NDUFB10: variants seen among roughly 807,000 people sequenced by gnomAD.
NDUFB10 encodes the protein NADH:ubiquinone oxidoreductase subunit B10, also known as NADH dehydrogenase [ubiquinone] 1 beta subcomplex subunit 10.
In NDUFB10, 23 loss-of-function variants were observed where a neutral mutation model predicts 19.0. The ratio of observed to expected loss-of-function variants is 1.21; its 90% CI spans 0.87 to 1.71. NDUFB10 has a LOEUF of 1.71. NDUFB10 is among the 40% of genes most tolerant of loss of function. NDUFB10 has a pLI of 0.00. For synonymous variants in NDUFB10, 104 were observed against 81.8 expected (o/e 1.27, Z -1.46); for missense variants, 312 against 230.6 (o/e 1.35, Z -2.29).
intron 2 of NDUFB10, 95 bp downstream of exon 2, chr16:1,961,386 G>T: frequency 6.3e-7 from 1 of 1,595,556 alleles, no homozygotes; most frequent in South Asian, 1.1e-5. Flanking sequence ...CCAGATTTTA[G>T]GGGTGACATG....
chr16:1,961,792 C>T lies in NDUFB10; in HGVS notation c.410-5C>T. The T allele has an allele frequency of 6.4e-7, 1 of 1,552,532 alleles. No individual in the cohort carries two copies. The highest frequency in any genetic ancestry group is 8.7e-7 in the Non-Finnish European group (1 of 1,147,236). ...GTTCCCAGCTTGTTTCCATTGCTTC[C>T]CCAGATCAGGACCTGGGGGCCTACA... On this transcript the variant is annotated splice_region_variant and splice_polypyrimidine_tract_variant and intron_variant, in intron 3 of 3. Coordinates refer to ENST00000268668, the MANE Select transcript of NDUFB10 (RefSeq NM_004548.3).
intron 1 of NDUFB10, among the ~76,000 whole-genome samples, chr16:1,960,412 G>C (rs559271964): frequency 6.6e-6 from 1 of 152,156 alleles, no homozygotes; most frequent in East Asian, 1.9e-4. Context: ...TAGTAGACAC[G>C]GGGTTTCACC....
In NDUFB10 at chr16:1,961,293, T is replaced by C; in HGVS notation, c.269+2T>C. 1.9e-6 allele frequency: 3 copies of C among 1,613,942 alleles called. No individual in the cohort carries two copies. The highest frequency in any genetic ancestry group is 2.5e-6 in the Non-Finnish European group (3 of 1,180,022). ...CGAAATGCAGTGGAAGAGGGACTAGTACGTGAGCCATGCTGGGAGTGTGGA... is the reference window on the plus strand; with the variant it reads ...CGAAATGCAGTGGAAGAGGGACTAGCACGTGAGCCATGCTGGGAGTGTGGA... On this transcript the variant is annotated splice_donor_variant, in intron 2 of 3. Transcript: ENST00000268668. LOFTEE classifies it high-confidence loss of function.
Position 1,961,901 on chromosome 16 carries a change from T to C in NDUFB10, c.514T>C (p.Ser172Pro), listed in dbSNP as rs751990038. Residue 172 changes from serine (S) to proline (P), a missense_variant, in exon 4 of 4, where the codon TCC becomes CCC. Transcript: ENST00000268668. The stretch of plus-strand genomic sequence containing the variant: ...TGCAAAAGAGGCCGCCGCTGCCACC[T>C]CCTGAGGCAGCTGTGGGTGCCCCTG... Reference protein sequence around the residue: ...KAAKEAAAATS With the variant: ...KAAKEAAAATP The C allele has an allele frequency of 1.5e-5, 23 of 1,558,592 alleles. 1 individual carries two copies. In the South Asian group the frequency reaches 2.6e-4, roughly 18 times the overall value.
In NDUFB10 at chr16:1,961,476, CTT is replaced by C. The variant is rs1291758364; in HGVS notation, c.270-20_270-19del. 3 of 1,613,592 alleles carry C rather than the reference CTT, an allele frequency of 1.9e-6. No individual in the cohort carries two copies. The highest frequency in any genetic ancestry group is 1.7e-5 in the Admixed American group (1 of 60,010). On this transcript the variant is annotated intron_variant, in intron 2 of 3. Coordinates refer to ENST00000268668, the MANE Select transcript of NDUFB10 (RefSeq NM_004548.3). ...AAAGGATTCCTTGTGATTAGCCTCT[CTT>C]GCTCCTTTTCTCCACCAGCAAAGTC... is the stretch of plus-strand genomic sequence containing the variant.
intron 1 of NDUFB10, 74 bp from the exon 2 acceptor site, chr16:1,961,079 C>A: frequency 6.4e-7 from 1 of 1,556,582 alleles, no homozygotes; most frequent in Non-Finnish European, 8.8e-7. Context: ...CTCCAAAGGG[C>A]TTATGAGAAA....
chr16:1,961,682 C>T (rs1249125059), intron 3 of NDUFB10, 46 bp downstream of exon 3: 2 of 1,451,796 alleles, frequency 1.4e-6, no homozygotes, highest in African/African-American at 1.4e-5. Context: ...CTCCTGAGGC[C>T]TGGGGGCCAG....
At chr16:1,961,007 C>T (rs561168410) in intron 1 of NDUFB10, 146 bp from the exon 2 acceptor site, 76 of 1,029,408 alleles carry the variant, frequency 7.4e-5, no homozygotes, top group Non-Finnish European at 8.2e-5. Context: ...GGCCACATCC[C>T]TTAGAGAGAC....
chr16:1,959,744 C>G lies in NDUFB10; in HGVS notation c.120C>G (p.Thr40=). The change falls in exon 1 of 4, where the codon ACC becomes ACG. Residue 40 remains threonine, a synonymous_variant. Coordinates refer to ENST00000268668, the MANE Select transcript of NDUFB10 (RefSeq NM_004548.3). ...AFDLIVDRPV[T]LVREFIERQH... ...ACCTCATCGTGGACCGACCCGTGAC[C>G]CTCGTGAGAGGTACGAAGCCCCAGC... is the stretch of plus-strand genomic sequence containing the variant. 6.2e-7 allele frequency: 1 copy of G among 1,613,212 alleles called. No individual in the cohort carries two copies. The highest frequency in any genetic ancestry group is 1.1e-5 in the South Asian group (1 of 91,072).
At chr16:1,961,442 G>A (rs2083253857) in intron 2 of NDUFB10, 55 bp from the exon 3 acceptor site, 2 of 1,605,128 alleles carry the variant, frequency 1.2e-6, no homozygotes, top group Non-Finnish European at 1.7e-6. Context: ...GTTCTCACAG[G>A]GTACAGGAAA....
rs902376392 is a variant in NDUFB10 at position 1,961,630 on chromosome 16, G to T, written c.403G>T (p.Asp135Tyr). 3.1e-6 allele frequency: 5 copies of T among 1,611,622 alleles called. No homozygotes were observed. The African/African-American group carries it at 4.0e-5, about 13-fold the overall frequency. The change falls in exon 3 of 4, where the codon GAC becomes TAC. Residue 135 changes from aspartate (D) to tyrosine (Y), a missense_variant. Asp to Tyr is a radical substitution (Grantham distance 160). Coordinates refer to ENST00000268668, the MANE Select transcript of NDUFB10 (RefSeq NM_004548.3). ...CACCCAGGTGGCCAAGGCCTACCAGGACCGCTGTGCGTGCCCCACCCACCC... is the reference window on the plus strand; with the variant it reads ...CACCCAGGTGGCCAAGGCCTACCAGTACCGCTGTGCGTGCCCCACCCACCC... ...QFTQVAKAYQ[D>Y]RYQDLGAYSS... is the part of the protein sequence containing the mutation.
At chr16:1,960,030 C>T (rs192892751) in intron 1 of NDUFB10, among the ~76,000 whole-genome samples, 30 of 151,678 alleles carry the variant, frequency 2.0e-4, no homozygotes, top group Non-Finnish European at 3.4e-4. Context: ...CCTGCCGCAC[C>T]CAGCGCCCAC....
intron 1 of NDUFB10, 72 bp from the exon 2 acceptor site, chr16:1,961,081 T>C (rs731198): frequency 0.15 from 241,479 of 1,558,840 alleles, 20,489 homozygotes; most frequent in South Asian, 0.28. Flanking sequence ...CCAAAGGGCT[T>C]ATGAGAAATA....
At chr16:1,961,073 A>G in intron 1 of NDUFB10, 80 bp from the exon 2 acceptor site, 1 of 1,536,408 alleles carries the variant, frequency 6.5e-7, no homozygotes, top group Admixed American at 1.8e-5. Context: ...TCTCCCCTCC[A>G]AAGGGCTTAT....
intron 1 of NDUFB10, among the ~76,000 whole-genome samples, 179 bp downstream of exon 1, chr16:1,959,933 C>G (rs1001230793): frequency 6.6e-6 from 1 of 151,854 alleles, no homozygotes; most frequent in Non-Finnish European, 1.5e-5. Context: ...CTTTGGCCTC[C>G]CACTGCACCC....
At chr16:1,960,672 G>A (rs2083248152) in intron 1 of NDUFB10, among the ~76,000 whole-genome samples, 1 of 152,260 alleles carries the variant, frequency 6.6e-6, no homozygotes, top group Non-Finnish European at 1.5e-5. Flanking sequence ...TGTAGAGCAT[G>A]TCTGTCCTAT....
At position 1,961,296 on chromosome 16, in the gene NDUFB10, G is replaced by A. The variant is rs2083252742; in HGVS notation, c.269+5G>A. The stretch of plus-strand genomic sequence containing the variant: ...AATGCAGTGGAAGAGGGACTAGTAC[G>A]TGAGCCATGCTGGGAGTGTGGAGAT... On this transcript the variant is annotated splice_donor_5th_base_variant and intron_variant, in intron 2 of 3. Coordinates refer to ENST00000268668, the MANE Select transcript of NDUFB10 (RefSeq NM_004548.3). 3.1e-6 allele frequency: 5 copies of A among 1,613,722 alleles called. No homozygotes were observed. Among genetic ancestry groups the A allele is most frequent in the Admixed American group, 1.7e-5 (1 of 59,998 alleles).
In NDUFB10 at chr16:1,959,604, G is replaced by T. The variant is rs774044632; in HGVS notation, c.-21G>T. ...GGCCAGGGCAGCGCGTCCGGGAGCG[G>T]AGTCCGCGCCCGCCGCCGCCATGCC... On this transcript the variant is annotated 5_prime_UTR_variant, in exon 1 of 4. Transcript: ENST00000268668. The T allele has an allele frequency of 1.9e-6, 3 of 1,600,272 alleles. No individual in the cohort carries two copies. The highest frequency in any genetic ancestry group is 1.7e-4 in the Middle Eastern group (1 of 6,038).
intron 1 of NDUFB10, 31 bp from the exon 2 acceptor site, chr16:1,961,122 G>A: frequency 1.2e-6 from 2 of 1,611,838 alleles, no homozygotes; most frequent in Non-Finnish European, 1.7e-6. Flanking sequence ...AAACCGATGA[G>A]GCATTTGAGT....
Sources: gnomAD v4.1 joint callset for allele counts (sites outside exome capture counted in the v4.1 genomes callset) on GRCh38, gnomAD v4.1.1 for gene constraint, MANE v1.5 for transcripts, NCBI Gene and HGNC (gene_info 2026-07-23, HGNC 2026-07-21) for gene names.